KLHL1: variants seen among roughly 807,000 people sequenced by gnomAD.
The protein encoded by KLHL1 is kelch like family member 1, also known as kelch-like protein 1.
KLHL1 carries 47 observed loss-of-function variants against 77.7 expected under a neutral mutation model. The ratio of observed to expected loss-of-function variants is 0.60; its 90% CI spans 0.48 to 0.77. The LOEUF is 0.77. Among genes scored for constraint, KLHL1 ranks in the 30% least tolerant of loss-of-function variants. KLHL1 has a pLI of 0.00. For synonymous variants in KLHL1, 360 were observed against 325.2 expected (o/e 1.11, Z -1.15); for missense variants, 925 against 910.8 (o/e 1.02, Z -0.20).
intron 1 of KLHL1, among the ~76,000 whole-genome samples, chr13:70,008,077 G>A (rs1392008522): frequency 6.6e-6 from 1 of 151,898 alleles, no homozygotes; most frequent in Non-Finnish European, 1.5e-5. Flanking sequence ...GAGTATCACA[G>A]TATACACTTT....
At chr13:69,957,274 C>T (rs1010187874) in intron 3 of KLHL1, among the ~76,000 whole-genome samples, 5 of 151,668 alleles carry the variant, frequency 3.3e-5, no homozygotes, top group African/African-American at 1.2e-4. Context: ...GATTTTACTA[C>T]TTTTAAAAAC....
intron 1 of KLHL1, among the ~76,000 whole-genome samples, chr13:70,060,769 C>T (rs1211086921): frequency 6.6e-6 from 1 of 151,876 alleles, no homozygotes; most frequent in South Asian, 2.1e-4. Context: ...TCACTTGAAC[C>T]TGGGAGGCAG....
chr13:70,107,625 C>T lies in KLHL1; in HGVS notation c.75G>A (p.Pro25=), dbSNP rs1208616609. ...LRLRWKLFSH[P]SPSTGGPAGG... is the part of the protein sequence containing the mutation. Reference sequence around the variant, plus strand: ...CCGCCGGGCCGCCGGTGGAAGGAGACGGGTGGCTGAAGAGTTTCCAGCGGA... The same window carrying T: ...CCGCCGGGCCGCCGGTGGAAGGAGATGGGTGGCTGAAGAGTTTCCAGCGGA... Residue 25 remains proline (P), a synonymous_variant, in exon 1 of 11, where the codon CCG becomes CCA. Transcript: ENST00000377844. 2 of 1,576,936 alleles carry T rather than the reference C, an allele frequency of 1.3e-6. No individual in the cohort carries two copies. The highest frequency in any genetic ancestry group is 1.8e-5 in the Admixed American group (1 of 54,584).
At position 70,084,461 on chromosome 13, in the gene KLHL1, C is replaced by CTTTTTTTTTTTTTTTTTTTTTTTTTTTT. The variant is rs1324246935; in HGVS notation, c.497+22741_497+22742insAAAAAAAAAAAAAAAAAAAAAAAAAAAA. On this transcript the variant is annotated intron_variant, in intron 1 of 10. Coordinates refer to ENST00000377844, the MANE Select transcript of KLHL1 (RefSeq NM_020866.3). ...GATATTTTCTAGTCTATTTCTTCTT[C>CTTTTTTTTTTTTTTTTTTTTTTTTTTTT]TTCTTTTTTTTTTTTTGAGACGGAG... Among the ~76,000 whole-genome samples the CTTTTTTTTTTTTTTTTTTTTTTTTTTTT allele has an allele frequency of 4.3e-5, 5 of 115,104 alleles. 2 individuals are homozygous for CTTTTTTTTTTTTTTTTTTTTTTTTTTTT. Among genetic ancestry groups the CTTTTTTTTTTTTTTTTTTTTTTTTTTTT allele is most frequent in the African/African-American group, 1.1e-4 (3 of 28,428 alleles). 75.5% of individuals were successfully genotyped at this position (115,104 alleles called of 152,430 possible). A position where few individuals can be genotyped will look rare whatever the true frequency, so the allele number is the denominator to read the frequency against.
intron 5 of KLHL1, among the ~76,000 whole-genome samples, chr13:69,846,535 G>A (rs536423453): frequency 6.6e-6 from 1 of 151,492 alleles, no homozygotes; most frequent in East Asian, 1.9e-4. Flanking sequence ...TCAGTTACCT[G>A]TTTGAAAGCA....
At chr13:70,021,323 CT>C (rs1194985309) in intron 1 of KLHL1, among the ~76,000 whole-genome samples, 2 of 152,058 alleles carry the variant, frequency 1.3e-5, no homozygotes, top group Non-Finnish European at 2.9e-5. Flanking sequence ...TCTTGCATGG[CT>C]TTTCATGGCT....
intron 1 of KLHL1, among the ~76,000 whole-genome samples, chr13:70,020,085 T>A (rs1219396243): frequency 6.6e-6 from 1 of 152,158 alleles, no homozygotes; most frequent in Non-Finnish European, 1.5e-5. Flanking sequence ...CTTCACAGCC[T>A]TCATAAATGT....
At position 70,094,393 on chromosome 13, in the gene KLHL1, T is replaced by TTA. The variant is rs369471818; in HGVS notation, c.497+12808_497+12809dup. On this transcript the variant is annotated intron_variant, in intron 1 of 10. Transcript: ENST00000377844. ...TGAAACAAATACAATGCAATCATCTTTATATATATATATATATGAATATAT... is the reference window on the plus strand; with the variant it reads ...TGAAACAAATACAATGCAATCATCTTTATATATATATATATATATGAATATAT... 6.0e-3 allele frequency among the ~76,000 whole-genome samples: 826 copies of TTA among 137,132 alleles called. 20 individuals are homozygous for TTA. The highest frequency in any genetic ancestry group is 0.019 in the East Asian group (93 of 4,782). The allele number at this position is 137,132 out of a possible 152,430, so 90.0% of individuals were successfully genotyped here. A position where few individuals can be genotyped will look rare whatever the true frequency, so the allele number is the denominator to read the frequency against.
chr13:69,862,230 G>C lies in KLHL1; in HGVS notation c.1227+20053C>G, dbSNP rs553834887. ...AGAAAAATCTTGAGGTGGATAGAGGGAATACAGTTCCCATTCATAATAAAT... is the reference window on the plus strand; with the variant it reads ...AGAAAAATCTTGAGGTGGATAGAGGCAATACAGTTCCCATTCATAATAAAT... On this transcript the variant is annotated intron_variant, in intron 5 of 10. Coordinates refer to ENST00000377844, the MANE Select transcript of KLHL1 (RefSeq NM_020866.3). 9.9e-5 allele frequency among the ~76,000 whole-genome samples: 15 copies of C among 151,832 alleles called. No individual in the cohort carries two copies. In the South Asian group the frequency reaches 1.2e-3, roughly 13 times the overall value.
Position 69,973,542 on chromosome 13 carries a change from G to T in KLHL1, c.680+2078C>A, listed in dbSNP as rs370389769. Reference sequence around the variant, plus strand: ...CAACACCACATACATTTTGCTTAAAGACAATATTTAGTTGTACTAACCAAA... The same window carrying T: ...CAACACCACATACATTTTGCTTAAATACAATATTTAGTTGTACTAACCAAA... On this transcript the variant is annotated intron_variant, in intron 2 of 10. Transcript: ENST00000377844. 2.8e-4 allele frequency among the ~76,000 whole-genome samples: 42 copies of T among 151,546 alleles called. No individual in the cohort carries two copies. In the South Asian group the frequency reaches 8.8e-3, roughly 32 times the overall value.
chr13:69,868,575 TA>T (rs1880460005), intron 5 of KLHL1, among the ~76,000 whole-genome samples: 1 of 152,158 alleles, frequency 6.6e-6, no homozygotes, highest in African/African-American at 2.4e-5. Flanking sequence ...CCTTGTGGTT[TA>T]AATAATCTAA....
In KLHL1 at chr13:69,847,929, T is replaced by A. The variant is rs61965352; in HGVS notation, c.1228-8767A>T. On this transcript the variant is annotated intron_variant, in intron 5 of 10. Transcript: ENST00000377844. ...TTTTTATTTCAATGTCTTATAAATA[T>A]ATCTAATACAAATAAAATAATTTCA... Among the ~76,000 whole-genome samples, 100 of 151,686 alleles carry A rather than the reference T, an allele frequency of 6.6e-4. 1 individual carries two copies. The South Asian group carries it at 0.02, about 31-fold the overall frequency.
At chr13:69,752,989 A>T (rs1412154631) in intron 7 of KLHL1, among the ~76,000 whole-genome samples, 2 of 152,080 alleles carry the variant, frequency 1.3e-5, no homozygotes, top group East Asian at 1.9e-4. Flanking sequence ...TTCTTTTAAG[A>T]CGTGGGTCTT....
chr13:69,760,259 G>A (rs574847621), intron 7 of KLHL1, among the ~76,000 whole-genome samples: 2 of 152,210 alleles, frequency 1.3e-5, no homozygotes, highest in East Asian at 3.9e-4. Context: ...GAGAGCCTCA[G>A]CTGAGGACCT....
chr13:69,746,076 T>A (rs73210469), intron 7 of KLHL1, among the ~76,000 whole-genome samples: 11,965 of 151,638 alleles, frequency 0.079, 610 homozygotes, highest in African/African-American at 0.14. Flanking sequence ...GATTTCCCTA[T>A]GCTATTGCAA....
At chr13:69,777,613 A>C (rs1875897953) in intron 7 of KLHL1, among the ~76,000 whole-genome samples, 1 of 152,072 alleles carries the variant, frequency 6.6e-6, no homozygotes, top group African/African-American at 2.4e-5. Flanking sequence ...TTGTGTTTTT[A>C]CACATTTCAC....
chr13:69,978,521 C>T (rs1884614531), intron 1 of KLHL1, among the ~76,000 whole-genome samples: 1 of 147,934 alleles, frequency 6.8e-6, no homozygotes, highest in Non-Finnish European at 1.5e-5. Flanking sequence ...AAGTCTCACT[C>T]TGTCGCCCAG....
chr13:69,928,316 A>G (rs979384252), intron 4 of KLHL1, among the ~76,000 whole-genome samples: 3 of 152,172 alleles, frequency 2.0e-5, no homozygotes, highest in Non-Finnish European at 2.9e-5. Context: ...AGCCCACTCA[A>G]AAACTTAAAC....
chr13:69,992,083 T>A (rs557682853), intron 1 of KLHL1, among the ~76,000 whole-genome samples: 108 of 152,098 alleles, frequency 7.1e-4, no homozygotes, highest in African/African-American at 2.5e-3. Context: ...AGTTTGAGAA[T>A]CACTGACACA....
Sources: allele counts gnomAD v4.1 joint callset (sites outside exome capture counted in the v4.1 genomes callset), GRCh38; gene constraint gnomAD v4.1.1; transcripts MANE v1.5; gene names NCBI Gene and HGNC (gene_info 2026-07-23, HGNC 2026-07-21).